The following KIAA1755 variants were observed in gnomAD, a reference collection of about 807,000 sequenced individuals.
KIAA1755 encodes uncharacterized protein KIAA1755.
In KIAA1755, 68 loss-of-function variants were observed where a neutral mutation model predicts 91.7. That is an observed-to-expected ratio of 0.74 (90% CI 0.61 to 0.91). KIAA1755 has a LOEUF of 0.91. Among genes scored for constraint, KIAA1755 ranks in the 40% least tolerant of loss-of-function variants. KIAA1755 has a pLI of 0.00. For synonymous variants in KIAA1755, 610 were observed against 604.6 expected (o/e 1.01, Z -0.13); for missense variants, 1,535 against 1,494.4 (o/e 1.03, Z -0.45).
intron 1 of KIAA1755, 169 bp downstream of exon 1, chr20:38,260,329 C>A (rs1218213454): frequency 6.4e-7 from 1 of 1,559,558 alleles, no homozygotes; most frequent in Non-Finnish European, 8.7e-7. Context: ...GGGCTCCTGC[C>A]CTTGAACCCC....
At chr20:38,237,430 C>T (rs757102162) in intron 4 of KIAA1755, among the ~76,000 whole-genome samples, 3 of 151,804 alleles carry the variant, frequency 2.0e-5, no homozygotes, top group Non-Finnish European at 2.9e-5. Flanking sequence ...TTGGATCTCA[C>T]GGAGGTTGGG....
chr20:38,232,624 T>C (rs2075888436), intron 4 of KIAA1755, among the ~76,000 whole-genome samples: 1 of 147,214 alleles, frequency 6.8e-6, no homozygotes, highest in Non-Finnish European at 1.5e-5. Flanking sequence ...TGAGACTCTG[T>C]CTCAGAAAAA....
intron 1 of KIAA1755, among the ~76,000 whole-genome samples, chr20:38,256,731 A>G (rs1035698815): frequency 9.9e-5 from 15 of 152,254 alleles, no homozygotes; most frequent in African/African-American, 3.6e-4. Context: ...TGAGCCTGGG[A>G]GATAGAGGCT....
At chr20:38,231,636 G>A (rs1420064341) in intron 4 of KIAA1755, among the ~76,000 whole-genome samples, 3 of 152,204 alleles carry the variant, frequency 2.0e-5, no homozygotes, top group African/African-American at 7.2e-5. Context: ...GCTCTGCAGT[G>A]ACTCACTGTG....
rs1025288903 is a variant in KIAA1755 at position 38,249,469 on chromosome 20, T to C, written c.4-3343A>G. Among the ~76,000 whole-genome samples, 23 of 152,220 alleles carry C rather than the reference T, an allele frequency of 1.5e-4. 1 individual carries two copies. The highest frequency in any genetic ancestry group is 6.5e-5 in the Admixed American group (1 of 15,290). ...CTGAGGAGGAGGAGGGTGGCATTTC[T>C]CAATGCCAGCAAGATTCCAATGCCA... On this transcript the variant is annotated intron_variant, in intron 1 of 13. Transcript: ENST00000279024.
At chr20:38,213,932 G>C (rs571379851) in intron 13 of KIAA1755, among the ~76,000 whole-genome samples, 189 bp from the exon 14 acceptor site, 1 of 149,624 alleles carries the variant, frequency 6.7e-6, no homozygotes, top group African/African-American at 2.5e-5. Context: ...CAGCCCCCAA[G>C]CACCCTTAGA....
chr20:38,231,447 T>C, intron 4 of KIAA1755, 122 bp from the exon 5 acceptor site: 1 of 1,132,622 alleles, frequency 8.8e-7, no homozygotes, highest in South Asian at 1.7e-5. Context: ...CTTTCTCTCC[T>C]TCTCCTTCTG....
At chr20:38,235,647 T>G (rs2075947393) in intron 4 of KIAA1755, among the ~76,000 whole-genome samples, 1 of 152,170 alleles carries the variant, frequency 6.6e-6, no homozygotes, top group South Asian at 2.1e-4. Flanking sequence ...CCTTAGAGCC[T>G]CCAGGAAAGA....
intron 6 of KIAA1755, among the ~76,000 whole-genome samples, chr20:38,227,930 G>C (rs1384213896): frequency 6.6e-6 from 1 of 152,240 alleles, no homozygotes; most frequent in Non-Finnish European, 1.5e-5. Flanking sequence ...CCTTGGATCA[G>C]GCCATACTTG....
Position 38,218,378 on chromosome 20 carries a change from G to A in KIAA1755, c.2557-12C>T. 6.2e-7 allele frequency: 1 copy of A among 1,613,962 alleles called. No individual in the cohort carries two copies. Among genetic ancestry groups the A allele is most frequent in the Non-Finnish European group, 8.5e-7 (1 of 1,179,978 alleles). ...ATCCAGTCGCTGACCTGGGGCAGGA[G>A]AGGCAGATTTGGACATGAGGGGCTG... On this transcript the variant is annotated splice_polypyrimidine_tract_variant and intron_variant, in intron 11 of 13. Transcript: ENST00000279024.
chr20:38,219,995 C>G (rs899385196), intron 10 of KIAA1755, among the ~76,000 whole-genome samples: 1 of 152,220 alleles, frequency 6.6e-6, no homozygotes, highest in Non-Finnish European at 1.5e-5. Context: ...CCTCCCCCTT[C>G]CCTAGAAGGG....
intron 8 of KIAA1755, 22 bp from the exon 9 acceptor site, chr20:38,223,658 G>A (rs2075702574): frequency 6.3e-7 from 1 of 1,592,484 alleles, no homozygotes; most frequent in East Asian, 2.3e-5. Flanking sequence ...AGGACCAAAG[G>A]GCAGGTGTCA....
intron 4 of KIAA1755, among the ~76,000 whole-genome samples, chr20:38,235,320 C>T (rs557608116): frequency 2.5e-3 from 374 of 152,238 alleles, no homozygotes; most frequent in Admixed American, 4.6e-3. Context: ...CCTAAGGCTT[C>T]GTGCCTGTGG....
At chr20:38,245,866 G>T in intron 2 of KIAA1755, 63 bp downstream of exon 2, 1 of 1,516,144 alleles carries the variant, frequency 6.6e-7, no homozygotes, top group South Asian at 1.1e-5. Context: ...TTCTCTGCCC[G>T]CCTCTAGCCC....
chr20:38,227,403 T>C (rs1471069871), intron 6 of KIAA1755, among the ~76,000 whole-genome samples, 163 bp from the exon 7 acceptor site: 1 of 152,222 alleles, frequency 6.6e-6, no homozygotes, highest in Non-Finnish European at 1.5e-5. Flanking sequence ...GTTTGGACCG[T>C]GAATCATTGG....
chr20:38,225,628 G>A (rs1234298300), intron 8 of KIAA1755, 37 bp downstream of exon 8: 2 of 1,237,558 alleles, frequency 1.6e-6, no homozygotes, highest in Non-Finnish European at 2.4e-6. Flanking sequence ...AAGAGAAGGA[G>A]TGGGGGTCAG....
At chr20:38,214,074 C>T (rs1485507330) in intron 13 of KIAA1755, among the ~76,000 whole-genome samples, 1 of 151,982 alleles carries the variant, frequency 6.6e-6, no homozygotes, top group Non-Finnish European at 1.5e-5. Context: ...GTCTCAGCCT[C>T]CCGAGTAGCT....
At chr20:38,237,814 G>C (rs1325393887) in intron 4 of KIAA1755, among the ~76,000 whole-genome samples, 1 of 150,976 alleles carries the variant, frequency 6.6e-6, no homozygotes, top group Non-Finnish European at 1.5e-5. Context: ...GGAGAAGTTG[G>C]TTACGGGGGA....
rs1187653899 is a variant in KIAA1755, at chr20:38,218,331, G to T, written c.2592C>A (p.Cys864Ter). The change falls in exon 12 of 14, where the codon TGC becomes TGA. Residue 864 changes from cysteine to a stop codon, truncating the protein, a stop_gained. Transcript: ENST00000279024. LOFTEE classifies it high-confidence loss of function. ...SDWMEQEGRRCLQSLTPKDGS... is the reference protein window; with the variant it reads ...SDWMEQEGRR ...CATCCTTGGGGGTCAGTGATTGCAG[G>T]CACCGCCTTCCTTCCTGCTCCATCC... 1 of 1,614,076 alleles carries T rather than the reference G, an allele frequency of 6.2e-7. No individual in the cohort carries two copies. The highest frequency in any genetic ancestry group is 1.3e-5 in the African/African-American group (1 of 74,922).
Sources: gnomAD v4.1 joint callset for allele counts (sites outside exome capture counted in the v4.1 genomes callset) on GRCh38, gnomAD v4.1.1 for gene constraint, MANE v1.5 for transcripts, NCBI Gene and HGNC (gene_info 2026-07-23, HGNC 2026-07-21) for gene names.